LAMB1: variants seen among roughly 807,000 people sequenced by gnomAD.
LAMB1 encodes the protein laminin subunit beta 1.
Under a neutral mutation model 222.3 loss-of-function variants are expected in LAMB1, and 121 were observed. The observed-to-expected ratio is 0.54, with a 90% CI of 0.47 to 0.63. LAMB1 has a LOEUF of 0.63. LAMB1 is among the 30% of genes least tolerant of loss of function. LAMB1 has a pLI of 0.00. For synonymous variants in LAMB1, 794 were observed against 807.2 expected (o/e 0.98, Z 0.28); for missense variants, 2,172 against 2,240.8 (o/e 0.97, Z 0.62).
chr7:107,961,136 C>T (rs2033489050), intron 17 of LAMB1, 70 bp downstream of exon 17: 3 of 1,591,934 alleles, frequency 1.9e-6, no homozygotes, highest in Non-Finnish European at 2.6e-6. Flanking sequence ...CTCAACAAAA[C>T]ACCCTGAGAG....
chr7:107,998,521 A>G, intron 3 of LAMB1, 29 bp from the exon 4 acceptor site: 2 of 1,593,634 alleles, frequency 1.3e-6, no homozygotes, highest in Non-Finnish European at 1.7e-6. Flanking sequence ...TCATCAGTCT[A>G]GAAAGCAATC....
At chr7:108,000,742 A>G (rs1419912984) in intron 3 of LAMB1, among the ~76,000 whole-genome samples, 1 of 151,756 alleles carries the variant, frequency 6.6e-6, no homozygotes, top group Non-Finnish European at 1.5e-5. Context: ...GACTGAGTCT[A>G]TGTTGTCCAG....
chr7:107,929,326 T>C (rs528269015), intron 30 of LAMB1, 86 bp downstream of exon 30: 2 of 1,502,918 alleles, frequency 1.3e-6, no homozygotes, highest in Admixed American at 3.5e-5. Flanking sequence ...TAGGTCCTTC[T>C]TAGAAGTTTC....
At position 107,961,305 on chromosome 7, in the gene LAMB1, C is replaced by T; in HGVS notation, c.2010G>A (p.Val670=). The T allele has an allele frequency of 6.2e-7, 1 of 1,614,114 alleles. No homozygotes were observed. Among genetic ancestry groups the T allele is most frequent in the Non-Finnish European group, 8.5e-7 (1 of 1,180,014 alleles). ...TGTAGTTTGTTCCCTTCTCAAAGCA[C>T]ACCGGCCGAGGAAGGACGACATATC... ...GSRYVVLPRP[V]CFEKGTNYTV... The change falls in exon 17 of 34, where the codon GTG becomes GTA. Residue 670 remains valine (V), a synonymous_variant. Coordinates refer to ENST00000222399, the MANE Select transcript of LAMB1 (RefSeq NM_002291.3).
chr7:107,958,422 C>T (rs2033422389), intron 20 of LAMB1, among the ~76,000 whole-genome samples: 1 of 152,232 alleles, frequency 6.6e-6, no homozygotes, highest in African/African-American at 2.4e-5. Context: ...TTTTCACTAA[C>T]AATTTCTCTT....
intron 21 of LAMB1, among the ~76,000 whole-genome samples, chr7:107,954,785 C>T (rs977309330): frequency 6.6e-6 from 1 of 151,858 alleles, no homozygotes; most frequent in Non-Finnish European, 1.5e-5. Context: ...AGTGAGACCC[C>T]GTCTCAAAAA....
At position 107,960,521 on chromosome 7, in the gene LAMB1, A is replaced by C. The variant is rs2033475138; in HGVS notation, c.2238T>G (p.Val746=). The C allele has an allele frequency of 6.2e-7, 1 of 1,614,234 alleles. No homozygotes were observed. Among genetic ancestry groups the C allele is most frequent in the Non-Finnish European group, 8.5e-7 (1 of 1,180,032 alleles). Residue 746 remains valine, a synonymous_variant, in exon 18 of 34, where the codon GTT becomes GTG. Coordinates refer to ENST00000222399, the MANE Select transcript of LAMB1 (RefSeq NM_002291.3). The part of the protein sequence containing the change: ...RYRCLENSRS[V]VKTPMTDVCR... ...AAACATCTGTCATCGGTGTTTTCAC[A>C]ACGCTTCTGCTGTTCTCTAGACATC...
chr7:107,956,053 T>G (rs550545051), intron 20 of LAMB1, among the ~76,000 whole-genome samples: 1 of 152,308 alleles, frequency 6.6e-6, no homozygotes, highest in East Asian at 1.9e-4. Context: ...TGCACCACCA[T>G]GCCCGGCTAA....
chr7:108,002,262 G>A (rs1043604889), intron 2 of LAMB1: 3 of 1,320,606 alleles, frequency 2.3e-6, no homozygotes, highest in Non-Finnish European at 2.0e-6. Flanking sequence ...CGCTGGGGAC[G>A]AGGCGCCGGG....
At chr7:107,956,895 G>A (rs1359712935) in intron 20 of LAMB1, among the ~76,000 whole-genome samples, 1 of 152,216 alleles carries the variant, frequency 6.6e-6, no homozygotes, top group Admixed American at 6.5e-5. Context: ...GAGGTCAAAG[G>A]ATTCTCAAAG....
rs1316981770 is a variant in LAMB1 at position 107,959,371 on chromosome 7, A to G, written c.2568T>C (p.Pro856=). Residue 856 remains proline, a synonymous_variant, in exon 20 of 34, where the codon CCT becomes CCC. Transcript: ENST00000222399. Reference sequence around the variant, plus strand: ...GGCAACTTGGAAAGCCCCAGTGCCCAGGTAAGCACCGATCACACTGCCGAG... The same window carrying G: ...GGCAACTTGGAAAGCCCCAGTGCCCGGGTAAGCACCGATCACACTGCCGAG... ...VYARQCDRCL[P]GHWGFPSCQP... 6.2e-7 allele frequency: 1 copy of G among 1,614,254 alleles called. No individual in the cohort carries two copies. The highest frequency in any genetic ancestry group is 8.5e-7 in the Non-Finnish European group (1 of 1,180,046).
chr7:107,981,625 C>T (rs894546503), intron 7 of LAMB1, among the ~76,000 whole-genome samples: 23 of 152,168 alleles, frequency 1.5e-4, no homozygotes, highest in African/African-American at 5.1e-4. Context: ...ATTATAAGAA[C>T]GCAGCTGCAT....
chr7:107,981,652 G>A (rs1024287601), intron 7 of LAMB1, among the ~76,000 whole-genome samples: 5 of 152,112 alleles, frequency 3.3e-5, no homozygotes, highest in East Asian at 3.9e-4. Flanking sequence ...TGGAACCTGC[G>A]GGCAGACAGT....
In LAMB1 at chr7:107,963,026, C is replaced by T. The variant is rs115518856; in HGVS notation, c.1736G>A (p.Arg579Gln). Residue 579 changes from arginine to glutamine, a missense_variant, in exon 15 of 34, where the codon CGG becomes CAG. Physicochemically the swap from Arg to Gln is conservative, Grantham distance 43. Transcript: ENST00000222399. ...GCCGGCTCCAGTCCAGGAGGGAATCCGGTCCTGGATATATTGCCGCTCCAC... is the reference window on the plus strand; with the variant it reads ...GCCGGCTCCAGTCCAGGAGGGAATCTGGTCCTGGATATATTGCCGCTCCAC... ...SIVERQYIQD[R>Q]IPSWTGAGFV... 2.4e-4 allele frequency: 392 copies of T among 1,613,952 alleles called. 2 individuals carry two copies. In the African/African-American group the frequency reaches 4.2e-3, roughly 17 times the overall value.
chr7:107,945,356 C>T (rs2033093436), intron 24 of LAMB1, among the ~76,000 whole-genome samples: 1 of 152,222 alleles, frequency 6.6e-6, no homozygotes, highest in Non-Finnish European at 1.5e-5. Flanking sequence ...TGCCTGCTTC[C>T]TTTACATCCT....
At chr7:107,985,948 A>C in intron 7 of LAMB1, 74 bp downstream of exon 7, 1 of 1,183,232 alleles carries the variant, frequency 8.5e-7, no homozygotes. Context: ...CAAGAGCGGA[A>C]CTCTGTCTCA....
chr7:107,956,582 T>G (rs892082751), intron 20 of LAMB1, among the ~76,000 whole-genome samples: 1 of 152,232 alleles, frequency 6.6e-6, no homozygotes, highest in African/African-American at 2.4e-5. Flanking sequence ...CATTCAGTTC[T>G]GCTCCCTCCT....
intron 24 of LAMB1, among the ~76,000 whole-genome samples, chr7:107,941,311 T>C (rs912588947): frequency 1.3e-5 from 2 of 152,198 alleles, no homozygotes; most frequent in African/African-American, 4.8e-5. Context: ...TTTGAAAGTA[T>C]TTATACAGGG....
chr7:107,950,816 A>G (rs1021858920), intron 24 of LAMB1, among the ~76,000 whole-genome samples: 11 of 152,198 alleles, frequency 7.2e-5, no homozygotes, highest in African/African-American at 1.9e-4. Flanking sequence ...GAAGTTGGCC[A>G]CAAAATACTG....
Sources: gnomAD v4.1 joint callset for allele counts (sites outside exome capture counted in the v4.1 genomes callset) on GRCh38, gnomAD v4.1.1 for gene constraint, MANE v1.5 for transcripts, NCBI Gene and HGNC (gene_info 2026-07-23, HGNC 2026-07-21) for gene names.